NXN: variants seen among roughly 807,000 people sequenced by gnomAD.
NXN encodes nucleoredoxin, also known as nucleoredoxin 1.
A neutral mutation model predicts 48.6 loss-of-function variants in NXN; 16 were observed. The ratio of observed to expected loss-of-function variants is 0.33; its 90% CI spans 0.22 to 0.50. The LOEUF is 0.50. Among genes scored for constraint, NXN ranks in the 20% least tolerant of loss-of-function variants. The pLI, the probability that NXN is intolerant of heterozygous loss-of-function variation, is 0.98. For missense variants in NXN, 492 were observed against 605.5 expected (o/e 0.81, Z 1.97); for synonymous variants, 281 against 269.6 (o/e 1.04, Z -0.41).
intron 1 of NXN, among the ~76,000 whole-genome samples, chr17:899,221 G>C (rs2068515133): frequency 6.6e-6 from 1 of 152,154 alleles, no homozygotes; most frequent in South Asian, 2.1e-4. Flanking sequence ...GCCTCCCAAA[G>C]TGCTGGGATT....
intron 1 of NXN, among the ~76,000 whole-genome samples, chr17:953,346 C>T (rs766975741): frequency 6.6e-6 from 1 of 151,928 alleles, no homozygotes; most frequent in Non-Finnish European, 1.5e-5. Flanking sequence ...ACCCAGGAGG[C>T]GGAGGTTGCA....
At chr17:817,645 G>C (rs190219463) in intron 5 of NXN, among the ~76,000 whole-genome samples, 1 of 150,942 alleles carries the variant, frequency 6.6e-6, no homozygotes, top group Admixed American at 6.6e-5. Flanking sequence ...CTCCAGCCAG[G>C]GCGACAGAGC....
intron 1 of NXN, among the ~76,000 whole-genome samples, chr17:922,163 C>T (rs1327362470): frequency 6.6e-6 from 1 of 152,152 alleles, no homozygotes; most frequent in East Asian, 1.9e-4. Flanking sequence ...AAGAATTGGC[C>T]AGGCACAGTG....
At chr17:853,723 A>ATATATATATATATATTTTTTT (rs1491528474) in intron 1 of NXN, among the ~76,000 whole-genome samples, 2 of 106,000 alleles carry the variant, frequency 1.9e-5, no homozygotes, top group African/African-American at 8.6e-5. Flanking sequence ...ATATATATAT[A>ATATATATATATATATTTTTTT]TTTTTTTTTT....
At chr17:846,259 T>G (rs551116855) in intron 1 of NXN, among the ~76,000 whole-genome samples, 20 of 150,768 alleles carry the variant, frequency 1.3e-4, no homozygotes, top group Admixed American at 3.3e-4. Flanking sequence ...CCATCTCTAC[T>G]AAAATTACTA....
At chr17:889,220 C>T (rs1480599446) in intron 1 of NXN, among the ~76,000 whole-genome samples, 2 of 152,014 alleles carry the variant, frequency 1.3e-5, no homozygotes, top group Non-Finnish European at 2.9e-5. Context: ...ACGTGCCACA[C>T]TTGCCTTCTC....
intron 1 of NXN, among the ~76,000 whole-genome samples, chr17:864,328 G>A (rs111726114): frequency 6.6e-6 from 1 of 152,180 alleles, no homozygotes; most frequent in Non-Finnish European, 1.5e-5. Context: ...TCAAAACCAC[G>A]GTTCTTCAGA....
intron 1 of NXN, among the ~76,000 whole-genome samples, chr17:884,669 A>G (rs2068323450): frequency 6.6e-6 from 1 of 151,978 alleles, no homozygotes; most frequent in Non-Finnish European, 1.5e-5. Flanking sequence ...CACCTTCTGG[A>G]CCCTGGTTTG....
intron 1 of NXN, among the ~76,000 whole-genome samples, chr17:936,021 G>A (rs188593998): frequency 6.6e-6 from 1 of 151,672 alleles, no homozygotes; most frequent in African/African-American, 2.4e-5. Flanking sequence ...GAACCCAGGA[G>A]GTGGAGGTTG....
intron 1 of NXN, among the ~76,000 whole-genome samples, chr17:977,214 C>T (rs1283629622): frequency 2.6e-5 from 4 of 152,022 alleles, no homozygotes; most frequent in African/African-American, 9.7e-5. Flanking sequence ...AAACTACCTC[C>T]TTGAAAACTG....
At chr17:952,269 G>A (rs1224374859) in intron 1 of NXN, among the ~76,000 whole-genome samples, 1 of 7,768 alleles carries the variant, frequency 1.3e-4, no homozygotes, top group African/African-American at 7.1e-4. Context: ...GACCAAGGTT[G>A]GAACCCGGCA....
chr17:906,572 GTTTTTT>G (rs150140562), intron 1 of NXN, among the ~76,000 whole-genome samples: 1 of 145,876 alleles, frequency 6.9e-6, no homozygotes, highest in Non-Finnish European at 1.5e-5. Flanking sequence ...TGGTTTCTGG[GTTTTTT>G]TTTTTTTTGA....
chr17:932,042 G>A lies in NXN; in HGVS notation c.360+47277C>T, dbSNP rs556697769. Among the ~76,000 whole-genome samples, 23 of 152,022 alleles carry A rather than the reference G, an allele frequency of 1.5e-4. No homozygotes were observed. In the East Asian group the frequency reaches 4.3e-3, roughly 28 times the overall value. ...GCCTATAATCCCAGCTAATGGGGAGGCTGAGGCAGGAGAATCGCTTGAACC... is the reference window on the plus strand; with the variant it reads ...GCCTATAATCCCAGCTAATGGGGAGACTGAGGCAGGAGAATCGCTTGAACC... On this transcript the variant is annotated intron_variant, in intron 1 of 7. Transcript: ENST00000336868. This position sits in a 1 kb window ranked among gnomAD's most constrained non-coding sequence, Gnocchi z 4.1.
intron 1 of NXN, among the ~76,000 whole-genome samples, chr17:827,484 G>A (rs922069060): frequency 2.1e-4 from 32 of 152,280 alleles, no homozygotes; most frequent in Admixed American, 9.2e-4. Context: ...TTAGCCGGGC[G>A]TGGTGGCGGG....
At position 919,371 on chromosome 17, in the gene NXN, CA is replaced by C. The variant is rs11300433; in HGVS notation, c.360+59947del. Among the ~76,000 whole-genome samples, 40,049 of 151,270 alleles carry C rather than the reference CA, an allele frequency of 0.26. 6,446 individuals carry two copies. The highest frequency in any genetic ancestry group is 0.63 in the East Asian group (3,241 of 5,124). On this transcript the variant is annotated intron_variant, in intron 1 of 7. Coordinates refer to ENST00000336868, the MANE Select transcript of NXN (RefSeq NM_022463.5). This position sits in a 1 kb window ranked among gnomAD's most constrained non-coding sequence, Gnocchi z 5.1. ...AGTGAGACTCTGTCTCAAAACAAAACAAAAAAAAGGTTCTGGAATGATTATT... is the reference window on the plus strand; with the variant it reads ...AGTGAGACTCTGTCTCAAAACAAAACAAAAAAAGGTTCTGGAATGATTATT...
intron 1 of NXN, among the ~76,000 whole-genome samples, chr17:857,215 G>A (rs549175455): frequency 2.6e-5 from 4 of 152,260 alleles, no homozygotes; most frequent in Non-Finnish European, 5.9e-5. Flanking sequence ...CCTTCTTGCT[G>A]TATCCTCACA....
chr17:830,382 G>A lies in NXN; in HGVS notation c.361-4304C>T, dbSNP rs1261812367. On this transcript the variant is annotated intron_variant, in intron 1 of 7. Transcript: ENST00000336868. This position sits in a 1 kb window ranked among gnomAD's most constrained non-coding sequence, Gnocchi z 4.2. ...ACCGAGAAGTAACAGAAAGAAAACA[G>A]GGCGGGTAAGATCACGGCTGCAACT... Among the ~76,000 whole-genome samples the A allele has an allele frequency of 2.0e-5, 3 of 152,102 alleles. No individual in the cohort carries two copies. The highest frequency in any genetic ancestry group is 7.2e-5 in the African/African-American group (3 of 41,422).
Position 859,343 on chromosome 17 carries a change from G to A in NXN, c.361-33265C>T, listed in dbSNP as rs182695083. The stretch of plus-strand genomic sequence containing the variant: ...GAGTTAAGACCAGGAATACTGGAGC[G>A]ATTCCGACTGAGGTCACGGGGAGTT... On this transcript the variant is annotated intron_variant, in intron 1 of 7. Coordinates refer to ENST00000336868, the MANE Select transcript of NXN (RefSeq NM_022463.5). Among the ~76,000 whole-genome samples the A allele has an allele frequency of 5.0e-3, 755 of 152,308 alleles. 2 individuals carry two copies. The highest frequency in any genetic ancestry group is 7.8e-3 in the Non-Finnish European group (529 of 68,030).
intron 1 of NXN, among the ~76,000 whole-genome samples, chr17:946,713 G>A (rs1251156612): frequency 6.6e-5 from 10 of 152,184 alleles, no homozygotes; most frequent in Non-Finnish European, 1.3e-4. Flanking sequence ...ACGACCCCCC[G>A]CAGCGGGCGA....
Sources: gnomAD v4.1 joint callset for allele counts (sites outside exome capture counted in the v4.1 genomes callset) on GRCh38, gnomAD v4.1.1 for gene constraint, Gnocchi (gnomAD v3.1) non-coding constraint, MANE v1.5 for transcripts, NCBI Gene and HGNC (gene_info 2026-07-23, HGNC 2026-07-21) for gene names.